KCNH8: variants seen among roughly 807,000 people sequenced by gnomAD.
The protein encoded by KCNH8 is potassium voltage-gated channel subfamily H member 8, also known as voltage-gated delayed rectifier potassium channel KCNH8.
A neutral mutation model predicts 103.6 loss-of-function variants in KCNH8; 70 were observed. The observed-to-expected ratio is 0.68, with a 90% CI of 0.56 to 0.82. The LOEUF (loss-of-function observed/expected upper bound fraction) is 0.82. Among genes scored for constraint, KCNH8 ranks in the 40% least tolerant of loss-of-function variants. The pLI is 0.00. For synonymous variants in KCNH8, 498 were observed against 489.4 expected (o/e 1.02, Z -0.23); for missense variants, 1,217 against 1,329.9 (o/e 0.92, Z 1.32).
At chr3:19,278,587 A>T (rs1168793237) in intron 2 of KCNH8, among the ~76,000 whole-genome samples, 1 of 151,422 alleles carries the variant, frequency 6.6e-6, no homozygotes, top group Non-Finnish European at 1.5e-5. Flanking sequence ...GGAGGGAAGG[A>T]AGGAAATAGT....
intron 8 of KCNH8, among the ~76,000 whole-genome samples, chr3:19,449,771 T>C (rs1310357244): frequency 6.6e-6 from 1 of 152,074 alleles, no homozygotes; most frequent in Non-Finnish European, 1.5e-5. Context: ...TAAAATAATA[T>C]AGATGTAAAT....
chr3:19,413,162 A>G (rs796446604), intron 7 of KCNH8, among the ~76,000 whole-genome samples: 17 of 152,042 alleles, frequency 1.1e-4, no homozygotes, highest in Admixed American at 5.3e-4. Flanking sequence ...AATGTAGTAA[A>G]TAAGCACCAT....
chr3:19,198,621 T>C (rs1366960671), intron 1 of KCNH8, among the ~76,000 whole-genome samples: 2 of 152,068 alleles, frequency 1.3e-5, no homozygotes, highest in Non-Finnish European at 2.9e-5. Flanking sequence ...AGTAAGGATA[T>C]ATTTTGCACG....
At chr3:19,298,170 T>C (rs1051531646) in intron 3 of KCNH8, among the ~76,000 whole-genome samples, 1 of 152,250 alleles carries the variant, frequency 6.6e-6, no homozygotes, top group African/African-American at 2.4e-5. Context: ...TAATGTCATG[T>C]GATTGGTAAT....
chr3:19,517,247 T>G (rs1288540189), intron 14 of KCNH8, among the ~76,000 whole-genome samples: 7 of 152,202 alleles, frequency 4.6e-5, no homozygotes, highest in Admixed American at 4.6e-4. Flanking sequence ...GTTGAATGAA[T>G]GGATTACCTC....
At chr3:19,434,856 T>C (rs1313745232) in intron 7 of KCNH8, among the ~76,000 whole-genome samples, 1 of 152,154 alleles carries the variant, frequency 6.6e-6, no homozygotes, top group Non-Finnish European at 1.5e-5. Flanking sequence ...TGGGACACAT[T>C]TTCCCACTAA....
intron 14 of KCNH8, 49 bp downstream of exon 14, chr3:19,515,477 C>A: frequency 1.1e-6 from 1 of 948,176 alleles, no homozygotes; most frequent in Non-Finnish European, 1.5e-6. Flanking sequence ...TTCTTATTAA[C>A]TTGTAATGTT....
intron 7 of KCNH8, among the ~76,000 whole-genome samples, chr3:19,403,361 AATAT>A (rs57523893): frequency 0.016 from 2,027 of 124,402 alleles, 44 homozygotes; most frequent in East Asian, 0.11. Context: ...ATATGTAAAG[AATAT>A]ATATATATAT....
intron 10 of KCNH8, among the ~76,000 whole-genome samples, chr3:19,454,075 G>A (rs962582239): frequency 5.9e-5 from 9 of 151,400 alleles, no homozygotes; most frequent in Admixed American, 2.0e-4. Context: ...TACTATTAAT[G>A]TGGTCATTTC....
At chr3:19,497,556 G>T (rs2068470782) in intron 11 of KCNH8, among the ~76,000 whole-genome samples, 2 of 152,148 alleles carry the variant, frequency 1.3e-5, no homozygotes, top group Admixed American at 6.6e-5. Flanking sequence ...GGTTTTGAGA[G>T]ATTTTCTTAA....
At chr3:19,415,888 G>A (rs527520848) in intron 7 of KCNH8, among the ~76,000 whole-genome samples, 32 of 152,106 alleles carry the variant, frequency 2.1e-4, no homozygotes, top group African/African-American at 7.2e-4. Context: ...AAAAATCTGG[G>A]TGGTATGAAA....
chr3:19,296,224 T>C (rs976933490), intron 3 of KCNH8, among the ~76,000 whole-genome samples: 1 of 152,224 alleles, frequency 6.6e-6, no homozygotes, highest in Non-Finnish European at 1.5e-5. Flanking sequence ...TTTTATTTGA[T>C]CTACTTCAAA....
At chr3:19,446,202 C>A (rs910062808) in intron 8 of KCNH8, among the ~76,000 whole-genome samples, 3 of 151,902 alleles carry the variant, frequency 2.0e-5, no homozygotes, top group Admixed American at 6.6e-5. Flanking sequence ...TTTAAAAATT[C>A]TTTCATACTA....
At position 19,278,162 on chromosome 3, in the gene KCNH8, G is replaced by T. The variant is rs116553640; in HGVS notation, c.311-3036G>T. Among the ~76,000 whole-genome samples, 432 of 152,150 alleles carry T rather than the reference G, an allele frequency of 2.8e-3. 3 individuals carry two copies. The highest frequency in any genetic ancestry group is 1.0e-2 in the African/African-American group (415 of 41,528). ...AGAAATGCAGGGTGGAGGGCTTGCTGGAAAGATTTAGGAAAGCAGAGAAGC... is the reference window on the plus strand; with the variant it reads ...AGAAATGCAGGGTGGAGGGCTTGCTTGAAAGATTTAGGAAAGCAGAGAAGC... On this transcript the variant is annotated intron_variant, in intron 2 of 15. Coordinates refer to ENST00000328405, the MANE Select transcript of KCNH8 (RefSeq NM_144633.3).
intron 1 of KCNH8, among the ~76,000 whole-genome samples, chr3:19,159,736 G>A (rs1211880066): frequency 2.6e-5 from 4 of 152,006 alleles, no homozygotes; most frequent in African/African-American, 9.7e-5. Context: ...AAACACTTCA[G>A]ATACGAAACA....
At chr3:19,476,919 G>C (rs893773193) in intron 11 of KCNH8, among the ~76,000 whole-genome samples, 23 of 152,094 alleles carry the variant, frequency 1.5e-4, no homozygotes, top group Admixed American at 6.6e-4. Flanking sequence ...AACCATTCTT[G>C]AGTTGATTTG....
chr3:19,196,963 C>G (rs1450706554), intron 1 of KCNH8, among the ~76,000 whole-genome samples: 1 of 151,966 alleles, frequency 6.6e-6, no homozygotes, highest in Admixed American at 6.6e-5. Context: ...TTTCCAACTT[C>G]AAATTCAGAA....
At chr3:19,180,692 TGTTTTTTTGTTTGTTTGTTTG>T (rs1340534025) in intron 1 of KCNH8, among the ~76,000 whole-genome samples, 4 of 152,046 alleles carry the variant, frequency 2.6e-5, no homozygotes, top group African/African-American at 9.7e-5. Context: ...TTTGTTTGTT[TGTTTTTTTGTTTGTTTGTTTG>T]GTTTGGTTTG....
intron 1 of KCNH8, among the ~76,000 whole-genome samples, chr3:19,176,143 C>CT (rs960969357): frequency 6.6e-6 from 1 of 152,054 alleles, no homozygotes; most frequent in Admixed American, 6.5e-5. Context: ...ACCTCTCGTC[C>CT]TTTAATATTT....
Sources: allele counts gnomAD v4.1 joint callset (sites outside exome capture counted in the v4.1 genomes callset), GRCh38; gene constraint gnomAD v4.1.1; transcripts MANE v1.5; gene names NCBI Gene and HGNC (gene_info 2026-07-23, HGNC 2026-07-21).